OR6K6: variants seen among roughly 807,000 people sequenced by gnomAD.
OR6K6 encodes the protein olfactory receptor 6K6.
In OR6K6, 9 loss-of-function variants were observed where a neutral mutation model predicts 8.1. That is an observed-to-expected ratio of 1.11 (90% confidence interval 0.67 to 1.94). The LOEUF is 1.94. Among genes scored for constraint, OR6K6 ranks in the 30% most tolerant of loss-of-function variants. The pLI, the probability that OR6K6 is intolerant of heterozygous loss-of-function variation, is 0.00. For missense variants in OR6K6, 400 were observed against 383.1 expected, an observed-to-expected ratio of 1.04 and a Z score of -0.37; for synonymous variants, 156 against 140.3, an observed-to-expected ratio of 1.11 and a Z score of -0.79.
chr1:158,755,472 T>C (rs1401601806), exon 1 of OR6K6: 1 of 1,614,224 alleles, frequency 6.2e-7, no homozygotes, highest in Non-Finnish European at 8.5e-7. Flanking sequence ...CCTGCACAGA[T>C]ACATTCCTAG....
chr1:158,754,850 A>C (rs1252364472), exon 1 of OR6K6: 2 of 1,612,808 alleles, frequency 1.2e-6, no homozygotes, highest in East Asian at 4.5e-5. Context: ...CAACATTCCA[A>C]TTATAGGAGT....
chr1:158,755,105 T>C, exon 1 of OR6K6: 1 of 1,614,170 alleles, frequency 6.2e-7, no homozygotes, highest in Non-Finnish European at 8.5e-7. Context: ...CTCTCCTTCC[T>C]GGAGATCTGC....
exon 1 of OR6K6, chr1:158,754,747 T>G (rs34126693): frequency 8.2e-7 from 1 of 1,216,766 alleles, no homozygotes; most frequent in South Asian, 1.4e-5. Context: ...GAGGTAAAGC[T>G]TAAGAGATAT....
At chr1:158,755,654 G>T (rs1258185082) in exon 1 of OR6K6, 1 of 1,613,946 alleles carries the variant, frequency 6.2e-7, no homozygotes, top group Non-Finnish European at 8.5e-7. Flanking sequence ...CTATTTTTTG[G>T]CAGTGTGGCT....
chr1:158,755,277 C>A (rs546428806), exon 1 of OR6K6: 1 of 1,614,162 alleles, frequency 6.2e-7, no homozygotes, highest in African/African-American at 1.3e-5. Context: ...ACATAGCTAT[C>A]TGCAATCCAC....
At chr1:158,754,821 G>A in exon 1 of OR6K6, 3 of 1,603,560 alleles carry the variant, frequency 1.9e-6, no homozygotes, top group Non-Finnish European at 2.6e-6. Flanking sequence ...AAGGAATGAA[G>A]CAATATTCAG....
exon 1 of OR6K6, chr1:158,754,747 T>C (rs34126693): frequency 0.29 from 346,737 of 1,214,868 alleles, 51,302 homozygotes; most frequent in Non-Finnish European, 0.3. Flanking sequence ...GAGGTAAAGC[T>C]TAAGAGATAT....
At chr1:158,754,962 C>G (rs1558026121) in exon 1 of OR6K6, 1 of 1,614,188 alleles carries the variant, frequency 6.2e-7, no homozygotes. Context: ...CGCATGCGCA[C>G]AGAGGTGGCC....
chr1:158,754,792 TTGAG>T (rs755808215), exon 1 of OR6K6: 1 of 1,537,486 alleles, frequency 6.5e-7, no homozygotes, highest in Non-Finnish European at 8.9e-7. Context: ...CAGAATCAGC[TTGAG>T]TAACTCATTA....
chr1:158,755,038 A>G, exon 1 of OR6K6: 2 of 1,614,050 alleles, frequency 1.2e-6, no homozygotes, highest in Middle Eastern at 3.3e-4. Context: ...AATAATGTTC[A>G]TTGTCATCCA....
At chr1:158,755,555 G>C in exon 1 of OR6K6, 2 of 1,614,010 alleles carry the variant, frequency 1.2e-6, no homozygotes, top group Non-Finnish European at 1.7e-6. Flanking sequence ...TCCTACATCC[G>C]GATTATTATA....
exon 1 of OR6K6, chr1:158,755,745 C>G (rs755659887): frequency 2.8e-5 from 45 of 1,613,936 alleles, no homozygotes; most frequent in Non-Finnish European, 3.6e-5. Context: ...TCCTTGCTCC[C>G]TTTTTCAACC....
Position 158,755,555 on chromosome 1 carries a change from G to A in OR6K6, c.668G>A (p.Arg223Gln), listed in dbSNP as rs16841038. 22,033 of 1,613,986 alleles carry A rather than the reference G, an allele frequency of 0.014. 2,460 individuals are homozygous for A. In the African/African-American group the frequency reaches 0.25, roughly 18 times the overall value. The change falls in exon 1 of 1, where the codon CGG (arginine) becomes CAG (glutamine). Residue 223 changes from arginine (R) to glutamine (Q), a missense_variant. By Grantham distance (43) the Arg-to-Gln change is conservative. Coordinates refer to ENST00000641861, the Ensembl canonical transcript of OR6K6. ...CTGGTCATTGCTCTATCCTACATCC[G>A]GATTATTATAGTGATTCTGGGAATG...
In OR6K6 at chr1:158,754,984, A is replaced by G. The variant is rs1264736361; in HGVS notation, c.97A>G (p.Ile33Val). ...GCACAGAGGTGGCCTCTTATTCTTT[A>G]TTCCCTTGCTTCTCATCTACGGATT... Residue 33 changes from isoleucine to valine, a missense_variant, in exon 1 of 1, where the codon ATT becomes GTT. Ile to Val is a conservative substitution (Grantham distance 29). Coordinates refer to ENST00000641861, the Ensembl canonical transcript of OR6K6. 2.5e-6 allele frequency: 4 copies of G among 1,614,086 alleles called. No homozygotes were observed. The South Asian group carries it at 3.3e-5, about 13-fold the overall frequency.
exon 1 of OR6K6, chr1:158,755,215 T>A (rs767548571): frequency 6.2e-7 from 1 of 1,614,096 alleles, no homozygotes; most frequent in South Asian, 1.1e-5. Context: ...CTTTTTCCAC[T>A]CACTTGGTAT....
exon 1 of OR6K6, chr1:158,755,406 T>C (rs1313069416): frequency 4.3e-6 from 7 of 1,614,118 alleles, no homozygotes; most frequent in African/African-American, 1.3e-5. Context: ...TGCCTTTCTG[T>C]GGCTCCAACC....
rs1558026287 is a variant in OR6K6, at chr1:158,755,184, TG to T, written c.299del (p.Gly100AlafsTer20). ...GTGAGCAGAAGAGCATTTCCGTGGC[TG>T]GCTGCCTCCTGCAGATGTACTTTTT... On this transcript the variant is annotated frameshift_variant, in exon 1 of 1. Coordinates refer to ENST00000641861, the Ensembl canonical transcript of OR6K6. LOFTEE classifies it high-confidence loss of function. The T allele has an allele frequency of 6.2e-7, 1 of 1,613,996 alleles. No individual in the cohort carries two copies. The highest frequency in any genetic ancestry group is 8.5e-7 in the Non-Finnish European group (1 of 1,180,030).
At position 158,754,920 on chromosome 1, in the gene OR6K6, A is replaced by G. The variant is rs1656950284; in HGVS notation, c.33A>G (p.Thr11=). 5 of 1,614,130 alleles carry G rather than the reference A, an allele frequency of 3.1e-6. No homozygotes were observed. The East Asian group carries it at 1.1e-4, about 36-fold the overall frequency. Residue 11 remains threonine (T), a synonymous_variant, in exon 1 of 1, where the codon ACA becomes ACG. Coordinates refer to ENST00000641861, the Ensembl canonical transcript of OR6K6. ...AGTTGACGGCCAGTGGGAATCAGACAATGGTGACTGAGTTCCTCTTCTCTA... is the reference window on the plus strand; with the variant it reads ...AGTTGACGGCCAGTGGGAATCAGACGATGGTGACTGAGTTCCTCTTCTCTA...
chr1:158,755,717 T>A (rs1328729810), exon 1 of OR6K6: 4 of 1,614,170 alleles, frequency 2.5e-6, no homozygotes, highest in Non-Finnish European at 2.5e-6. Flanking sequence ...GACACAGCAA[T>A]TGCTGTCACT....
Sources: allele counts gnomAD v4.1 joint callset, GRCh38; gene constraint gnomAD v4.1.1; transcripts MANE v1.5; gene names NCBI Gene and HGNC (gene_info 2026-07-23, HGNC 2026-07-21).